PSMA8: variants seen among roughly 807,000 people sequenced by gnomAD.
PSMA8 encodes proteasome 20S subunit alpha 8.
Under a neutral mutation model 32.4 loss-of-function variants are expected in PSMA8, and 18 were observed. That is an observed-to-expected ratio of 0.56 (90% CI 0.38 to 0.82). The LOEUF is 0.82. Ranked by LOEUF, PSMA8 falls within the 40% of genes least tolerant of loss-of-function variation. The probability of loss-of-function intolerance (pLI) is 0.00; values close to 1 mark genes in which losing one functional copy is unlikely to be tolerated. For synonymous variants in PSMA8, 104 were observed against 98.1 expected (o/e 1.06, Z -0.36); for missense variants, 298 against 300.7 (o/e 0.99, Z 0.07).
At position 26,192,492 on chromosome 18, in the gene PSMA8, A is replaced by G; in HGVS notation, c.*81A>G. Reference sequence around the variant, plus strand: ...GTTGTTTAGTGAAATTTTAGAGGAAAACAGTTATTTTGCAGCATTACATGC... The same window carrying G: ...GTTGTTTAGTGAAATTTTAGAGGAAGACAGTTATTTTGCAGCATTACATGC... On this transcript the variant is annotated 3_prime_UTR_variant, in exon 7 of 7. Transcript: ENST00000415576. The G allele has an allele frequency of 1.4e-6, 2 of 1,430,998 alleles. No individual in the cohort carries two copies. The highest frequency in any genetic ancestry group is 1.8e-6 in the Non-Finnish European group (2 of 1,092,464). The allele number at this position is 1,430,998 out of a possible 1,614,324, so 88.6% of individuals were successfully genotyped here.
chr18:26,151,924 C>A lies in PSMA8; in HGVS notation c.296C>A (p.Thr99Lys), dbSNP rs781752722. The change falls in exon 3 of 7, where the codon ACG (threonine) becomes AAG (lysine). Residue 99 changes from threonine to lysine, a missense_variant. Physicochemically the swap from Thr to Lys is moderately conservative, Grantham distance 78. Coordinates refer to ENST00000415576, the MANE Select transcript of PSMA8 (RefSeq NM_001025096.2). Reference protein sequence around the residue: ...ARVECQSHKLTVEDPVTVEYI... With the variant: ...ARVECQSHKLKVEDPVTVEYI... ...GTGGAGTGCCAGAGCCATAAGCTTA[C>A]GGTTGAGGACCCAGTCACTGTAGAA... The A allele has an allele frequency of 3.7e-6, 6 of 1,612,148 alleles. No individual in the cohort carries two copies. Among genetic ancestry groups the A allele is most frequent in the Admixed American group, 3.4e-5 (2 of 59,462 alleles).
chr18:26,191,771 T>C (rs1029685797), intron 6 of PSMA8, among the ~76,000 whole-genome samples: 1 of 152,190 alleles, frequency 6.6e-6, no homozygotes, highest in African/African-American at 2.4e-5. Context: ...TGCTGTCTTA[T>C]AGCCGCAAGC....
chr18:26,136,033 A>G (rs1463097540), intron 1 of PSMA8, among the ~76,000 whole-genome samples: 1 of 152,184 alleles, frequency 6.6e-6, no homozygotes. Context: ...AATTGATATT[A>G]TGAGTTACAA....
chr18:26,188,569 A>G (rs1187619895), intron 6 of PSMA8, among the ~76,000 whole-genome samples: 2 of 152,196 alleles, frequency 1.3e-5, no homozygotes, highest in African/African-American at 2.4e-5. Flanking sequence ...AACTGAAGGA[A>G]TCATATTGCC....
intron 6 of PSMA8, among the ~76,000 whole-genome samples, chr18:26,179,542 G>A (rs896137007): frequency 2.0e-5 from 3 of 152,036 alleles, no homozygotes; most frequent in Non-Finnish European, 2.9e-5. Context: ...ATTTCTTTGT[G>A]GCAAGTCTCA....
At chr18:26,135,186 A>G (rs1297414658) in intron 1 of PSMA8, among the ~76,000 whole-genome samples, 1 of 152,212 alleles carries the variant, frequency 6.6e-6, no homozygotes, top group Non-Finnish European at 1.5e-5. Flanking sequence ...AATTTTAGTG[A>G]TTTATAAAAA....
At chr18:26,187,213 G>A (rs767612967) in intron 6 of PSMA8, among the ~76,000 whole-genome samples, 1 of 152,176 alleles carries the variant, frequency 6.6e-6, no homozygotes, top group African/African-American at 2.4e-5. Flanking sequence ...GGGTGTGATG[G>A]TGTGCGCCTG....
At chr18:26,170,820 T>C (rs911098348) in intron 4 of PSMA8, 1 of 1,558,792 alleles carries the variant, frequency 6.4e-7, no homozygotes, top group Non-Finnish European at 8.5e-7. Flanking sequence ...AAGTTTATAT[T>C]TCTCCAAATC....
At chr18:26,188,103 A>G (rs1232185233) in intron 6 of PSMA8, among the ~76,000 whole-genome samples, 1 of 151,710 alleles carries the variant, frequency 6.6e-6, no homozygotes, top group Non-Finnish European at 1.5e-5. Flanking sequence ...CCACAGTGGA[A>G]AAAAAAAACT....
chr18:26,152,605 A>G (rs1403690813), intron 3 of PSMA8, among the ~76,000 whole-genome samples: 1 of 152,084 alleles, frequency 6.6e-6, no homozygotes, highest in Non-Finnish European at 1.5e-5. Context: ...GATTATAGGC[A>G]TGAGCCACGG....
chr18:26,180,333 T>A (rs992364785), intron 6 of PSMA8, among the ~76,000 whole-genome samples: 1 of 152,220 alleles, frequency 6.6e-6, no homozygotes, highest in Non-Finnish European at 1.5e-5. Context: ...ATTAGTGCCA[T>A]CTGGAGCACT....
intron 2 of PSMA8, among the ~76,000 whole-genome samples, chr18:26,147,252 A>T (rs2144284953): frequency 6.6e-6 from 1 of 151,044 alleles, no homozygotes; most frequent in Non-Finnish European, 1.5e-5. Context: ...CATACAGAGT[A>T]TTTTTTTCTG....
At chr18:26,153,160 CA>C (rs1258590092) in intron 3 of PSMA8, among the ~76,000 whole-genome samples, 1 of 152,004 alleles carries the variant, frequency 6.6e-6, no homozygotes, top group Non-Finnish European at 1.5e-5. Flanking sequence ...ATATATGCAA[CA>C]TTGTCTTTTT....
Position 26,192,308 on chromosome 18 carries a change from T to C in PSMA8, c.661-11T>C. The C allele has an allele frequency of 6.8e-7, 1 of 1,478,580 alleles. No homozygotes were observed. Among genetic ancestry groups the C allele is most frequent in the Middle Eastern group, 1.8e-4 (1 of 5,448 alleles). The allele number at this position is 1,478,580 out of a possible 1,614,324, so 91.6% of individuals were successfully genotyped here. ...CTGACATTTGATCTTTAAATTTTTT[T>C]CTCTTTTCAGATGTTTAGTGCAAAA... On this transcript the variant is annotated splice_polypyrimidine_tract_variant and intron_variant, in intron 6 of 6. Transcript: ENST00000415576.
chr18:26,184,242 A>G (rs531840450), intron 6 of PSMA8, among the ~76,000 whole-genome samples: 3 of 150,894 alleles, frequency 2.0e-5, no homozygotes, highest in African/African-American at 7.3e-5. Flanking sequence ...AGTCTGTTTC[A>G]GTCATTTATT....
intron 4 of PSMA8, among the ~76,000 whole-genome samples, chr18:26,163,541 A>G (rs918022845): frequency 6.6e-6 from 1 of 152,172 alleles, no homozygotes; most frequent in African/African-American, 2.4e-5. Flanking sequence ...TCTATAATCC[A>G]AAAATTAGAA....
chr18:26,157,015 G>T (rs1052417090), intron 3 of PSMA8, among the ~76,000 whole-genome samples: 1 of 150,984 alleles, frequency 6.6e-6, no homozygotes, highest in Non-Finnish European at 1.5e-5. Flanking sequence ...GAACTGCTGG[G>T]CTCAAGCGAT....
chr18:26,186,875 A>G (rs557489382), intron 6 of PSMA8, among the ~76,000 whole-genome samples: 13 of 152,372 alleles, frequency 8.5e-5, no homozygotes, highest in African/African-American at 2.2e-4. Flanking sequence ...CCCAGGAACC[A>G]AAAATGAATA....
At chr18:26,147,973 C>G (rs951983503) in intron 2 of PSMA8, among the ~76,000 whole-genome samples, 2 of 152,028 alleles carry the variant, frequency 1.3e-5, no homozygotes, top group Admixed American at 1.3e-4. Context: ...ACACCTTGCT[C>G]AATAAGATAT....
Sources: gnomAD v4.1 joint callset for allele counts (sites outside exome capture counted in the v4.1 genomes callset) on GRCh38, gnomAD v4.1.1 for gene constraint, MANE v1.5 for transcripts, NCBI Gene and HGNC (gene_info 2026-07-23, HGNC 2026-07-21) for gene names.